The following PCDH15 variants were observed in gnomAD, a reference collection of about 807,000 sequenced individuals.
PCDH15 encodes the protein protocadherin-15.
In PCDH15, 129 loss-of-function variants were observed where a neutral mutation model predicts 178.5. The ratio of observed to expected loss-of-function variants is 0.72; its 90% confidence interval spans 0.63 to 0.84. The LOEUF is 0.84. Ranked by LOEUF, PCDH15 falls within the 40% of genes least tolerant of loss-of-function variation. The pLI is 0.00. For synonymous variants in PCDH15, 800 were observed against 732.0 expected (o/e 1.09, Z -1.50); for missense variants, 2,230 against 2,099.9 (o/e 1.06, Z -1.21).
chr10:54,100,221 C>A (rs569450477), intron 15 of PCDH15, among the ~76,000 whole-genome samples: 4 of 151,824 alleles, frequency 2.6e-5, no homozygotes, highest in Non-Finnish European at 5.9e-5. Context: ...AAAAATTTGC[C>A]GGGCGTAGTG....
At chr10:54,815,832 A>G (rs1050482886) in intron 3 of PCDH15, among the ~76,000 whole-genome samples, 1 of 151,950 alleles carries the variant, frequency 6.6e-6, no homozygotes, top group Non-Finnish European at 1.5e-5. Context: ...ACAGTACACT[A>G]CTCTAAATGT....
intron 3 of PCDH15, among the ~76,000 whole-genome samples, chr10:54,500,487 A>G (rs1169408385): frequency 2.0e-5 from 3 of 152,074 alleles, no homozygotes; most frequent in Admixed American, 6.6e-5. Flanking sequence ...CCCCCAAATG[A>G]TTTACTGTCA....
chr10:55,406,312 G>C (rs1027072412), intron 2 of PCDH15, among the ~76,000 whole-genome samples: 14 of 152,202 alleles, frequency 9.2e-5, no homozygotes, highest in Admixed American at 8.5e-4. Context: ...TATTCTGCCT[G>C]GTGTGTTGAG....
chr10:54,922,914 G>A lies in PCDH15; in HGVS notation c.-79-25414C>T, dbSNP rs145205635. ...GGACACTTCTCACAGCTTCACTAGGGAGTGCCCCTGTGGGGACTCTGTGTG... is the reference window on the plus strand; with the variant it reads ...GGACACTTCTCACAGCTTCACTAGGAAGTGCCCCTGTGGGGACTCTGTGTG... On this transcript the variant is annotated intron_variant, in intron 2 of 5. Transcript: ENST00000458638. 2.0e-3 allele frequency among the ~76,000 whole-genome samples: 299 copies of A among 152,284 alleles called. 2 individuals carry two copies. The highest frequency in any genetic ancestry group is 6.9e-3 in the African/African-American group (287 of 41,572).
intron 2 of PCDH15, among the ~76,000 whole-genome samples, chr10:55,538,391 T>A (rs1457131421): frequency 2.0e-4 from 29 of 145,824 alleles, no homozygotes; most frequent in African/African-American, 6.7e-4. Context: ...CCTTCCTTCC[T>A]TCCTTTCTTC....
rs1840951170 is a variant in PCDH15, at chr10:53,802,861, A to G, written c.*3718T>C. ...TTCTAATTCAGATTCTTATACAGTA[A>G]CATAATATTTGTTAAGGAAGAACAG... is the stretch of plus-strand genomic sequence containing the variant. On this transcript the variant is annotated 3_prime_UTR_variant, in exon 38 of 38. Transcript: ENST00000644397. 1 of 151,994 alleles carries G rather than the reference A, an allele frequency of 6.6e-6. No homozygotes were observed. Among genetic ancestry groups the G allele is most frequent in the Non-Finnish European group, 1.5e-5 (1 of 67,880 alleles). 9.4% of individuals were successfully genotyped at this position (151,994 alleles called of 1,614,324 possible).
chr10:55,226,359 G>GTTTTGTTTTTGT (rs138845232), intron 1 of PCDH15, among the ~76,000 whole-genome samples: 3 of 151,466 alleles, frequency 2.0e-5, no homozygotes, highest in African/African-American at 4.9e-5. Context: ...TTTTTGTTTT[G>GTTTTGTTTTTGT]TTTTGTTTTT....
intron 8 of PCDH15, among the ~76,000 whole-genome samples, chr10:54,250,645 A>C (rs1276368012): frequency 2.0e-5 from 3 of 152,168 alleles, no homozygotes; most frequent in Non-Finnish European, 2.9e-5. Flanking sequence ...AGGATTATGG[A>C]TATGTGTGAA....
chr10:54,480,141 G>A (rs191015797), intron 3 of PCDH15, among the ~76,000 whole-genome samples: 5 of 152,184 alleles, frequency 3.3e-5, no homozygotes, highest in Admixed American at 3.3e-4. Flanking sequence ...ATGCCATCTT[G>A]GCCAGCCATC....
intron 2 of PCDH15, among the ~76,000 whole-genome samples, chr10:55,115,063 A>G (rs997441007): frequency 3.3e-5 from 5 of 152,242 alleles, no homozygotes; most frequent in African/African-American, 1.2e-4. Flanking sequence ...GCTTTGAAAA[A>G]TAAATTAATT....
At position 54,787,094 on chromosome 10, in the gene PCDH15, TA is replaced by T. The variant is rs201024118; in HGVS notation, c.-29+13830del. Among the ~76,000 whole-genome samples the T allele has an allele frequency of 9.8e-4, 149 of 151,946 alleles. 2 individuals carry two copies. In the South Asian group the frequency reaches 0.021, roughly 22 times the overall value. ...TTAGATAGAATGCCAATTTTGATTC[TA>T]AAAAACTTGATCTTGCTGTACATGT... On this transcript the variant is annotated intron_variant, in intron 1 of 37. Transcript: ENST00000644397.
At chr10:54,317,493 A>T in intron 7 of PCDH15, 52 bp from the exon 8 acceptor site, 1 of 1,598,138 alleles carries the variant, frequency 6.3e-7, no homozygotes, top group Non-Finnish European at 8.6e-7. Context: ...TAGGCACAAT[A>T]GCCAGGAGCA....
chr10:54,361,654 A>G (rs1946072052), intron 5 of PCDH15, among the ~76,000 whole-genome samples: 1 of 152,058 alleles, frequency 6.6e-6, no homozygotes, highest in Non-Finnish European at 1.5e-5. Flanking sequence ...GTGTGACTCA[A>G]TAGATTATTC....
At chr10:54,339,938 A>G (rs1371701442) in intron 6 of PCDH15, among the ~76,000 whole-genome samples, 3 of 152,168 alleles carry the variant, frequency 2.0e-5, no homozygotes, top group Admixed American at 6.6e-5. Flanking sequence ...TTGGTTATAA[A>G]GTCCCACTTG....
At chr10:53,963,678 A>G (rs2088620190) in intron 21 of PCDH15, among the ~76,000 whole-genome samples, 1 of 152,164 alleles carries the variant, frequency 6.6e-6, no homozygotes, top group Admixed American at 6.5e-5. Flanking sequence ...CTCTTCTACT[A>G]TAGATAATGG....
chr10:54,165,779 T>A (rs1403402194), intron 13 of PCDH15, among the ~76,000 whole-genome samples: 1 of 152,208 alleles, frequency 6.6e-6, no homozygotes, highest in Non-Finnish European at 1.5e-5. Context: ...GGTAGCCATC[T>A]TAAATTAATT....
At position 54,159,187 on chromosome 10, in the gene PCDH15, G is replaced by A. The variant is rs534460991; in HGVS notation, c.1591-5894C>T. On this transcript the variant is annotated intron_variant, in intron 13 of 37. Coordinates refer to ENST00000644397, the MANE Select transcript of PCDH15 (RefSeq NM_001384140.1). ...ATCATTTGATGTTTTTGCCTCTTGGGCATCCTTGGCTCTTGCTTCCAGTAA... is the reference window on the plus strand; with the variant it reads ...ATCATTTGATGTTTTTGCCTCTTGGACATCCTTGGCTCTTGCTTCCAGTAA... 2.0e-5 allele frequency among the ~76,000 whole-genome samples: 3 copies of A among 152,064 alleles called. No individual in the cohort carries two copies. In the East Asian group the frequency reaches 5.8e-4, roughly 29 times the overall value.
intron 1 of PCDH15, among the ~76,000 whole-genome samples, chr10:54,792,459 T>C (rs1453956760): frequency 6.6e-6 from 1 of 152,004 alleles, no homozygotes; most frequent in Non-Finnish European, 1.5e-5. Flanking sequence ...AACATTATTC[T>C]GGGTGTGCCT....
At chr10:55,128,201 C>T (rs536702827) in intron 2 of PCDH15, among the ~76,000 whole-genome samples, 1 of 151,998 alleles carries the variant, frequency 6.6e-6, no homozygotes, top group Non-Finnish European at 1.5e-5. Context: ...CTCACTCCCA[C>T]CTTATATACT....
Sources: allele counts gnomAD v4.1 joint callset (sites outside exome capture counted in the v4.1 genomes callset), GRCh38; gene constraint gnomAD v4.1.1; transcripts MANE v1.5; gene names NCBI Gene and HGNC (gene_info 2026-07-23, HGNC 2026-07-21).